Variants in GLG1 observed in about 807,000 individuals in gnomAD.
GLG1 encodes Golgi apparatus protein 1.
GLG1 carries 38 observed loss-of-function variants against 160.5 expected under a neutral mutation model. The ratio of observed to expected loss-of-function variants is 0.24; its 90% CI spans 0.18 to 0.31. The LOEUF is 0.31. Among genes scored for constraint, GLG1 ranks in the 10% least tolerant of loss-of-function variants. GLG1 has a pLI of 1.00. For missense variants in GLG1, 1,373 were observed against 1,505.2 expected (o/e 0.91, Z 1.45); for synonymous variants, 644 against 543.4 (o/e 1.19, Z -2.57).
chr16:74,540,502 A>G (rs1199519882), intron 1 of GLG1, among the ~76,000 whole-genome samples: 1 of 151,842 alleles, frequency 6.6e-6, no homozygotes, highest in Admixed American at 6.6e-5. Flanking sequence ...AGCTCAACCA[A>G]TCTTTTCATC....
intron 6 of GLG1, among the ~76,000 whole-genome samples, chr16:74,494,237 T>C (rs1382931676): frequency 6.6e-6 from 1 of 151,874 alleles, no homozygotes; most frequent in Non-Finnish European, 1.5e-5. Flanking sequence ...AGAACCCTAC[T>C]TGGCTTCTCA....
intron 1 of GLG1, among the ~76,000 whole-genome samples, chr16:74,557,027 C>T (rs954172823): frequency 3.3e-5 from 5 of 151,896 alleles, no homozygotes; most frequent in African/African-American, 1.2e-4. Context: ...AGATTTACTC[C>T]CCATACATTA....
At chr16:74,513,190 G>C (rs2016868754) in intron 2 of GLG1, among the ~76,000 whole-genome samples, 1 of 152,134 alleles carries the variant, frequency 6.6e-6, no homozygotes, top group Non-Finnish European at 1.5e-5. Context: ...GATTACACTG[G>C]AGAAGGGCAG....
At chr16:74,459,546 C>T (rs1441151206) in intron 23 of GLG1, 136 bp downstream of exon 23, 2 of 641,462 alleles carry the variant, frequency 3.1e-6, no homozygotes, top group African/African-American at 1.9e-5. Flanking sequence ...TAAGAAGGAA[C>T]AGCAAGAAAA....
In GLG1 at chr16:74,453,008, G is replaced by C; in HGVS notation, c.*159C>G. On this transcript the variant is annotated 3_prime_UTR_variant, in exon 26 of 26. Transcript: ENST00000422840. ...AGGAGGAGGAGGACACCATGGACAC[G>C]AGTGGAGGCTGGATGGGACAACGCA... 8 of 1,370,082 alleles carry C rather than the reference G, an allele frequency of 5.8e-6. No homozygotes were observed. The South Asian group carries it at 1.6e-4, about 27-fold the overall frequency. 84.9% of individuals were successfully genotyped at this position (1,370,082 alleles called of 1,614,324 possible).
Position 74,493,114 on chromosome 16 carries a change from T to G in GLG1, c.1077A>C (p.Gln359His). The G allele has an allele frequency of 6.2e-7, 1 of 1,612,808 alleles. No homozygotes were observed. ...CTTTATAATCCTGGGCAATCAGCTTTTGGCGGGTTGTAAGTGCTTCTCGAC... is the reference window on the plus strand; with the variant it reads ...CTTTATAATCCTGGGCAATCAGCTTGTGGCGGGTTGTAAGTGCTTCTCGAC... ...EKCREALTTR[Q>H]KLIAQDYKVS... The change falls in exon 7 of 26, where the codon CAA becomes CAC. Residue 359 changes from glutamine to histidine, a missense_variant. This residue lies in a region of GLG1 where 174 missense variants were observed against 229.9 expected (regional missense o/e 0.76). Transcript: ENST00000422840.
intron 1 of GLG1, among the ~76,000 whole-genome samples, chr16:74,585,269 C>T (rs1308938542): frequency 2.0e-5 from 3 of 151,572 alleles, no homozygotes; most frequent in South Asian, 2.1e-4. Flanking sequence ...ATTACCTGGG[C>T]GTGGTGGCAC....
At chr16:74,518,257 G>T (rs903026849) in intron 2 of GLG1, among the ~76,000 whole-genome samples, 25 of 152,090 alleles carry the variant, frequency 1.6e-4, no homozygotes, top group Middle Eastern at 3.2e-3. Flanking sequence ...TCTTGGGCAA[G>T]AAGCACAAAG....
At chr16:74,600,731 C>CAAAA (rs56122377) in intron 1 of GLG1, among the ~76,000 whole-genome samples, 9 of 112,596 alleles carry the variant, frequency 8.0e-5, no homozygotes, top group Non-Finnish European at 8.9e-5. Context: ...GATTCCACCT[C>CAAAA]AAAAAAAAAA....
rs575198253 is a variant in GLG1 at position 74,463,449 on chromosome 16, T to C, written c.2698A>G (p.Met900Val). 30 of 1,613,940 alleles carry C rather than the reference T, an allele frequency of 1.9e-5. 1 individual carries two copies. In the East Asian group the frequency reaches 3.1e-4, roughly 17 times the overall value. ...TTATTTTGCTTCAAGCACTGCAACA[T>C]GGTTTTAGAATCTGCTTCCGGACAG... ...RFCPEADSKT[M>V]LQCLKQNKNS... The change falls in exon 20 of 26, where the codon ATG becomes GTG. Residue 900 changes from methionine to valine, a missense_variant. By Grantham distance (21) the Met-to-Val change is conservative. Around this residue, in one of 4 missense-constraint regions of GLG1, gnomAD observed 491 missense variants for 632.1 expected, o/e 0.78. Coordinates refer to ENST00000422840, the MANE Select transcript of GLG1 (RefSeq NM_001145667.2).
chr16:74,497,785 A>C (rs1291013113), intron 4 of GLG1, among the ~76,000 whole-genome samples: 1 of 152,110 alleles, frequency 6.6e-6, no homozygotes, highest in African/African-American at 2.4e-5. Flanking sequence ...ATAATCCACT[A>C]AGAAGTTAGA....
chr16:74,549,320 G>A (rs1401383725), intron 1 of GLG1, among the ~76,000 whole-genome samples: 1 of 151,736 alleles, frequency 6.6e-6, no homozygotes. Context: ...TTGATATGGA[G>A]TCTTGCTCTG....
intron 19 of GLG1, among the ~76,000 whole-genome samples, chr16:74,464,282 A>G (rs1162717366): frequency 6.6e-6 from 1 of 152,094 alleles, no homozygotes; most frequent in African/African-American, 2.4e-5. Flanking sequence ...CTACCTACCC[A>G]ACTCTAGTGG....
intron 1 of GLG1, among the ~76,000 whole-genome samples, chr16:74,603,408 CAAAAA>C (rs66587758): frequency 7.8e-6 from 1 of 128,954 alleles, no homozygotes. Context: ...GACTCCGTCT[CAAAAA>C]AAAAAAAAAA....
At position 74,516,405 on chromosome 16, in the gene GLG1, T is replaced by C. The variant is rs541775955; in HGVS notation, c.472-7480A>G. On this transcript the variant is annotated intron_variant, in intron 2 of 25. Transcript: ENST00000422840. ...TAGAACTCAGGATTAAGAAACTCAC[T>C]CAAACTTGCTCAACTACATGGAAAC... is the stretch of plus-strand genomic sequence containing the variant. Among the ~76,000 whole-genome samples the C allele has an allele frequency of 8.6e-5, 13 of 151,934 alleles. 1 individual carries two copies. Among genetic ancestry groups the C allele is most frequent in the African/African-American group, 3.2e-4 (13 of 41,216 alleles).
At chr16:74,595,199 A>G (rs768351520) in intron 1 of GLG1, among the ~76,000 whole-genome samples, 13 of 148,768 alleles carry the variant, frequency 8.7e-5, no homozygotes, top group Non-Finnish European at 1.9e-4. Flanking sequence ...AAAAAAAATA[A>G]TAATAATTTA....
chr16:74,543,325 G>A (rs1330306854), intron 1 of GLG1, among the ~76,000 whole-genome samples: 1 of 152,230 alleles, frequency 6.6e-6, no homozygotes, highest in African/African-American at 2.4e-5. Flanking sequence ...AATCAGGCCA[G>A]GCTCAGTGGC....
chr16:74,464,575 A>C (rs1016812877), intron 19 of GLG1, among the ~76,000 whole-genome samples: 2 of 152,166 alleles, frequency 1.3e-5, no homozygotes, highest in African/African-American at 2.4e-5. Context: ...TAGTTCTCTA[A>C]AGAGTGTGAT....
At chr16:74,529,834 T>TTTG (rs1567505950) in intron 2 of GLG1, among the ~76,000 whole-genome samples, 1 of 147,130 alleles carries the variant, frequency 6.8e-6, no homozygotes, top group Non-Finnish European at 1.5e-5. Context: ...TTTTTTTTTT[T>TTTG]GTGACGGAGT....
Sources: gnomAD v4.1 joint callset for allele counts (sites outside exome capture counted in the v4.1 genomes callset) on GRCh38, gnomAD v4.1.1 for gene constraint, gnomAD v4.1.1 regional missense constraint, MANE v1.5 for transcripts, NCBI Gene and HGNC (gene_info 2026-07-23, HGNC 2026-07-21) for gene names.